Variants in MACROH2A2 observed in about 807,000 individuals in gnomAD.
MACROH2A2 encodes core histone macro-H2A.2.
MACROH2A2 carries 6 observed loss-of-function variants against 37.6 expected under a neutral mutation model. The ratio of observed to expected loss-of-function variants is 0.16; its 90% CI spans 0.09 to 0.32. The LOEUF (loss-of-function observed/expected upper bound fraction) is 0.32. MACROH2A2 is among the 10% of genes least tolerant of loss of function. The probability of loss-of-function intolerance (pLI) is 1.00; values close to 1 mark genes in which losing one functional copy is unlikely to be tolerated. For missense variants in MACROH2A2, 290 were observed against 485.9 expected, an observed-to-expected ratio of 0.60 and a Z score of 3.79; for synonymous variants, 192 against 202.7, an observed-to-expected ratio of 0.95 and a Z score of 0.45.
chr10:70,105,549 G>A (rs1404300733), intron 7 of MACROH2A2, among the ~76,000 whole-genome samples: 1 of 152,218 alleles, frequency 6.6e-6, no homozygotes, highest in Non-Finnish European at 1.5e-5. Context: ...ACTCCAAGGG[G>A]AGAGGGGCCG....
At chr10:70,079,905 TTCTC>T (rs1254912717) in intron 2 of MACROH2A2, among the ~76,000 whole-genome samples, 2 of 152,164 alleles carry the variant, frequency 1.3e-5, no homozygotes, top group Admixed American at 1.3e-4. Flanking sequence ...ACTAGCTACT[TTCTC>T]TCAGGCCACA....
intron 4 of MACROH2A2, among the ~76,000 whole-genome samples, chr10:70,092,586 T>G (rs1589838057): frequency 6.6e-6 from 1 of 152,192 alleles, no homozygotes; most frequent in East Asian, 1.9e-4. Context: ...CAGACACCTC[T>G]GAAGGACCGA....
intron 1 of MACROH2A2, among the ~76,000 whole-genome samples, chr10:70,057,695 T>C (rs2072026222): frequency 6.6e-6 from 1 of 152,164 alleles, no homozygotes; most frequent in Non-Finnish European, 1.5e-5. Context: ...GAGGCAGAAA[T>C]ATGCCCAAGA....
At chr10:70,068,918 C>T (rs1366249069) in intron 1 of MACROH2A2, among the ~76,000 whole-genome samples, 1 of 152,170 alleles carries the variant, frequency 6.6e-6, no homozygotes, top group East Asian at 1.9e-4. Context: ...AATTTAACAA[C>T]ATCTAATGTA....
At chr10:70,058,663 C>G (rs1311267742) in intron 1 of MACROH2A2, among the ~76,000 whole-genome samples, 3 of 152,132 alleles carry the variant, frequency 2.0e-5, no homozygotes, top group East Asian at 3.9e-4. Flanking sequence ...TACACACACA[C>G]AGAATTTTGT....
At chr10:70,058,920 C>A (rs2136614910) in intron 1 of MACROH2A2, among the ~76,000 whole-genome samples, 1 of 152,058 alleles carries the variant, frequency 6.6e-6, no homozygotes, top group South Asian at 2.1e-4. Flanking sequence ...CGCCAACAAC[C>A]CTATCACGAC....
At chr10:70,063,005 CTAAA>C (rs149712201) in intron 1 of MACROH2A2, among the ~76,000 whole-genome samples, 2 of 151,820 alleles carry the variant, frequency 1.3e-5, no homozygotes, top group African/African-American at 4.8e-5. Flanking sequence ...TTAACAAAAA[CTAAA>C]TAAATAAATA....
chr10:70,097,206 GT>G (rs1177892434), intron 6 of MACROH2A2, among the ~76,000 whole-genome samples: 2 of 152,260 alleles, frequency 1.3e-5, no homozygotes, highest in South Asian at 4.1e-4. Context: ...AAGAGGGCAG[GT>G]TCCAGGTCGG....
Position 70,063,526 on chromosome 10 carries a change from G to A in MACROH2A2, c.-60+10526G>A, listed in dbSNP as rs555420625. Among the ~76,000 whole-genome samples, 5 of 152,288 alleles carry A rather than the reference G, an allele frequency of 3.3e-5. No homozygotes were observed. In the South Asian group the frequency reaches 8.3e-4, roughly 25 times the overall value. ...AGTTTTCAGTGACTCACCTGGTGAT[G>A]AATGTGATCTTAATTTTTTAACACG... is the stretch of plus-strand genomic sequence containing the variant. On this transcript the variant is annotated intron_variant, in intron 1 of 8. Coordinates refer to ENST00000373255, the MANE Select transcript of MACROH2A2 (RefSeq NM_018649.3).
chr10:70,078,897 T>C (rs2072156580), intron 2 of MACROH2A2, among the ~76,000 whole-genome samples: 1 of 152,168 alleles, frequency 6.6e-6, no homozygotes, highest in Non-Finnish European at 1.5e-5. Context: ...TGATTCTGTT[T>C]AGGGAAGGGG....
intron 1 of MACROH2A2, among the ~76,000 whole-genome samples, chr10:70,057,095 T>C (rs2072022753): frequency 6.6e-6 from 1 of 152,192 alleles, no homozygotes; most frequent in Non-Finnish European, 1.5e-5. Context: ...AGAGACCTTT[T>C]GAAACAAAAT....
At chr10:70,102,471 C>T (rs1175143242) in intron 7 of MACROH2A2, among the ~76,000 whole-genome samples, 4 of 152,168 alleles carry the variant, frequency 2.6e-5, no homozygotes, top group Non-Finnish European at 5.9e-5. Context: ...GTAATCCCAG[C>T]ACTTTGGGAG....
chr10:70,102,061 C>A (rs2072310062), intron 7 of MACROH2A2, among the ~76,000 whole-genome samples: 1 of 152,176 alleles, frequency 6.6e-6, no homozygotes, highest in African/African-American at 2.4e-5. Context: ...ACTCCTTGTA[C>A]CCTCAGTCAG....
intron 2 of MACROH2A2, among the ~76,000 whole-genome samples, chr10:70,082,428 AAAG>A (rs1274877059): frequency 6.6e-6 from 1 of 151,952 alleles, no homozygotes; most frequent in African/African-American, 2.4e-5. Flanking sequence ...AAAAAAAAAA[AAAG>A]AAAAAAGAAA....
At chr10:70,060,857 G>A (rs1418132670) in intron 1 of MACROH2A2, among the ~76,000 whole-genome samples, 1 of 151,986 alleles carries the variant, frequency 6.6e-6, no homozygotes, top group Non-Finnish European at 1.5e-5. Context: ...AGTGGCTCAT[G>A]CCTGTAATCT....
intron 1 of MACROH2A2, among the ~76,000 whole-genome samples, chr10:70,064,200 C>A (rs2072065943): frequency 6.6e-6 from 1 of 152,158 alleles, no homozygotes; most frequent in East Asian, 1.9e-4. Flanking sequence ...GAAACCCTGT[C>A]TCTACTAAAA....
At chr10:70,079,549 G>A (rs1173943849) in intron 2 of MACROH2A2, among the ~76,000 whole-genome samples, 3 of 138,870 alleles carry the variant, frequency 2.2e-5, no homozygotes, top group South Asian at 2.4e-4. Flanking sequence ...CACGTTGAGG[G>A]TTCGCGCGCG....
At chr10:70,088,148 A>T (rs2136633386) in intron 2 of MACROH2A2, among the ~76,000 whole-genome samples, 1 of 151,304 alleles carries the variant, frequency 6.6e-6, no homozygotes, top group South Asian at 2.1e-4. Context: ...ACACTCACAC[A>T]CACACAGTAC....
chr10:70,079,721 T>A (rs2072164371), intron 2 of MACROH2A2, among the ~76,000 whole-genome samples: 1 of 152,068 alleles, frequency 6.6e-6, no homozygotes, highest in African/African-American at 2.4e-5. Context: ...TGGAGTTGTT[T>A]TAGTGTCACT....
Sources: allele counts gnomAD v4.1 joint callset (sites outside exome capture counted in the v4.1 genomes callset), GRCh38; gene constraint gnomAD v4.1.1; transcripts MANE v1.5; gene names NCBI Gene and HGNC (gene_info 2026-07-23, HGNC 2026-07-21).